Variants in ADGRL2 observed in about 807,000 individuals in gnomAD.
The protein encoded by ADGRL2 is calcium-independent alpha-latrotoxin receptor 2.
Under a neutral mutation model 157.4 loss-of-function variants are expected in ADGRL2, and 44 were observed. That is an observed-to-expected ratio of 0.28 (90% CI 0.22 to 0.36). The LOEUF (loss-of-function observed/expected upper bound fraction) is 0.36, where lower values mean the gene tolerates loss of function less well. ADGRL2 is among the 10% of genes least tolerant of loss of function. ADGRL2 has a pLI of 1.00. For synonymous variants in ADGRL2, 585 were observed against 624.7 expected, an observed-to-expected ratio of 0.94 and a Z score of 0.95; for missense variants, 1,510 against 1,768.9, an observed-to-expected ratio of 0.85 and a Z score of 2.63.
intron 1 of ADGRL2, among the ~76,000 whole-genome samples, chr1:81,334,611 A>G (rs1222282573): frequency 6.6e-6 from 1 of 152,242 alleles, no homozygotes; most frequent in African/African-American, 2.4e-5. Flanking sequence ...AGAAAACAAA[A>G]AGCAATGAAA....
intron 2 of ADGRL2, among the ~76,000 whole-genome samples, chr1:81,903,846 C>CAT (rs1553184757): frequency 0.037 from 5,458 of 145,662 alleles, 311 homozygotes; most frequent in African/African-American, 0.11. Flanking sequence ...CACACACACA[C>CAT]ATATTTGGTT....
intron 2 of ADGRL2, among the ~76,000 whole-genome samples, chr1:81,546,009 G>C (rs7539626): frequency 6.6e-6 from 1 of 152,136 alleles, no homozygotes; most frequent in Non-Finnish European, 1.5e-5. Context: ...CACTGGGTGC[G>C]GGGGGAAGGG....
chr1:81,459,814 A>G (rs777607691), intron 2 of ADGRL2, among the ~76,000 whole-genome samples: 201 of 13,342 alleles, frequency 0.015, no homozygotes, highest in East Asian at 0.048. Flanking sequence ...ATGTGTTTGT[A>G]TATATATATA....
intron 2 of ADGRL2, among the ~76,000 whole-genome samples, chr1:81,486,469 C>T (rs1348636031): frequency 6.6e-6 from 1 of 151,792 alleles, no homozygotes; most frequent in African/African-American, 2.4e-5. Context: ...AAAATATACA[C>T]ATACTGAGAT....
intron 2 of ADGRL2, among the ~76,000 whole-genome samples, chr1:81,784,457 G>A (rs1029431595): frequency 2.6e-5 from 4 of 152,186 alleles, no homozygotes; most frequent in Non-Finnish European, 4.4e-5. Flanking sequence ...GCTAGGTGCA[G>A]TGGCTCATGC....
At chr1:81,538,809 A>G (rs557170226) in intron 2 of ADGRL2, among the ~76,000 whole-genome samples, 5 of 152,248 alleles carry the variant, frequency 3.3e-5, no homozygotes, top group African/African-American at 1.2e-4. Flanking sequence ...GTTCAAGACC[A>G]GCCTTGGCAA....
At chr1:81,857,548 T>G (rs1261614727) in intron 2 of ADGRL2, among the ~76,000 whole-genome samples, 1 of 152,192 alleles carries the variant, frequency 6.6e-6, no homozygotes, top group Non-Finnish European at 1.5e-5. Context: ...CATTGCGTAG[T>G]CACCTCAGTA....
At chr1:81,834,063 A>T (rs1215671774) in intron 1 of ADGRL2, among the ~76,000 whole-genome samples, 2 of 152,168 alleles carry the variant, frequency 1.3e-5, no homozygotes, top group African/African-American at 4.8e-5. Flanking sequence ...TTTGAAAGTC[A>T]TAGTCATTTA....
At chr1:81,788,878 G>T (rs1020291965) in intron 2 of ADGRL2, among the ~76,000 whole-genome samples, 2 of 152,140 alleles carry the variant, frequency 1.3e-5, no homozygotes, top group African/African-American at 2.4e-5. Context: ...ACCAAGCCCA[G>T]CTAATTTTCT....
At chr1:81,678,137 TC>T (rs2083034347) in intron 3 of ADGRL2, among the ~76,000 whole-genome samples, 1 of 152,178 alleles carries the variant, frequency 6.6e-6, no homozygotes, top group African/African-American at 2.4e-5. Context: ...TATAATTATA[TC>T]CATTATACCA....
At chr1:81,583,246 G>A (rs374070729) in intron 3 of ADGRL2, among the ~76,000 whole-genome samples, 57 of 152,180 alleles carry the variant, frequency 3.7e-4, no homozygotes, top group African/African-American at 1.3e-3. Flanking sequence ...TTGATATGTA[G>A]AAGTAACAAT....
chr1:81,574,588 A>C (rs1042412705), intron 2 of ADGRL2, among the ~76,000 whole-genome samples: 7 of 152,132 alleles, frequency 4.6e-5, no homozygotes, highest in African/African-American at 1.7e-4. Flanking sequence ...TCAGCTGCTG[A>C]GTGCTTATTT....
intron 6 of ADGRL2, among the ~76,000 whole-genome samples, chr1:81,947,140 G>C (rs1005342400): frequency 1.3e-5 from 2 of 152,084 alleles, no homozygotes; most frequent in African/African-American, 4.8e-5. Flanking sequence ...ACGGCATCCG[G>C]ATAAATAGAG....
chr1:81,810,894 T>A (rs1004576378), intron 1 of ADGRL2, among the ~76,000 whole-genome samples: 1 of 152,008 alleles, frequency 6.6e-6, no homozygotes, highest in East Asian at 1.9e-4. Context: ...GACATATAAC[T>A]TTTTTGCGCT....
upstream of ADGRL2, chr1:81,800,495 A>G (rs552268624): frequency 6.6e-6 from 1 of 152,068 alleles, no homozygotes; most frequent in East Asian, 2.0e-4. Context: ...TGGAGAAAAG[A>G]GAAAACCTGG....
intron 1 of ADGRL2, among the ~76,000 whole-genome samples, chr1:81,441,436 C>T (rs1473094803): frequency 6.6e-6 from 1 of 152,224 alleles, no homozygotes; most frequent in Admixed American, 6.5e-5. Context: ...TCCCAGAATA[C>T]AAGGCCTCAA....
chr1:81,371,212 G>T (rs2076155152), intron 1 of ADGRL2, among the ~76,000 whole-genome samples: 1 of 152,154 alleles, frequency 6.6e-6, no homozygotes, highest in Non-Finnish European at 1.5e-5. Context: ...TCTTATGCCT[G>T]TTTGAACTTT....
At chr1:81,307,047 C>T (rs1230768372) in intron 1 of ADGRL2, among the ~76,000 whole-genome samples, 2 of 152,180 alleles carry the variant, frequency 1.3e-5, no homozygotes, top group African/African-American at 4.8e-5. Context: ...TTATTCTTCA[C>T]CATTTTAAAA....
chr1:81,897,362 G>A (rs754735516), intron 2 of ADGRL2, among the ~76,000 whole-genome samples: 3 of 151,906 alleles, frequency 2.0e-5, no homozygotes, highest in Non-Finnish European at 4.4e-5. Context: ...TATATACTGA[G>A]ACTAATAGCA....
Sources: allele counts gnomAD v4.1 joint callset (sites outside exome capture counted in the v4.1 genomes callset), GRCh38; gene constraint gnomAD v4.1.1; transcripts MANE v1.5; gene names NCBI Gene and HGNC (gene_info 2026-07-23, HGNC 2026-07-21).